The following ZNF251 variants were observed in gnomAD, a reference collection of about 807,000 sequenced individuals.
ZNF251 encodes the protein zinc finger protein 251.
A neutral mutation model predicts 13.5 loss-of-function variants in ZNF251; 14 were observed. The observed-to-expected ratio is 1.04, with a 90% CI of 0.69 to 1.63. The LOEUF (loss-of-function observed/expected upper bound fraction) is 1.63, where lower values mean the gene tolerates loss of function less well. Among genes scored for constraint, ZNF251 ranks in the 40% most tolerant of loss-of-function variants. The pLI is 0.00. For missense variants in ZNF251, 764 were observed against 834.9 expected (o/e 0.92, Z 1.05); for synonymous variants, 287 against 295.2 (o/e 0.97, Z 0.28).
intron 4 of ZNF251, among the ~76,000 whole-genome samples, chr8:144,726,787 G>A (rs549679778): frequency 2.1e-4 from 32 of 151,908 alleles, no homozygotes; most frequent in African/African-American, 6.3e-4. Flanking sequence ...GGAGAATGGC[G>A]TGAACCCGGG....
At chr8:144,727,712 C>T (rs1471807876) in intron 4 of ZNF251, among the ~76,000 whole-genome samples, 3 of 152,228 alleles carry the variant, frequency 2.0e-5, no homozygotes, top group African/African-American at 7.2e-5. Flanking sequence ...TTGAGGGGGA[C>T]TGAAACTGTC....
At chr8:144,740,920 C>T (rs536288278) in intron 4 of ZNF251, among the ~76,000 whole-genome samples, 7 of 151,122 alleles carry the variant, frequency 4.6e-5, no homozygotes, top group African/African-American at 7.3e-5. Flanking sequence ...GCAAGAAGAG[C>T]GAAACTCCGT....
In ZNF251 at chr8:144,755,492, C is replaced by G; in HGVS notation, c.-163G>C. The G allele has an allele frequency of 7.8e-7, 1 of 1,287,044 alleles. No homozygotes were observed. The highest frequency in any genetic ancestry group is 1.2e-5 in the South Asian group (1 of 80,872). 79.7% of individuals were successfully genotyped at this position (1,287,044 alleles called of 1,614,324 possible). A position where few individuals can be genotyped will look rare whatever the true frequency, so the allele number is the denominator to read the frequency against. ...CCCGGAACGGACCCTCCCACAGAACCGGGTCCAGAGCCGGGGAGGGGGCGG... is the reference window on the plus strand; with the variant it reads ...CCCGGAACGGACCCTCCCACAGAACGGGGTCCAGAGCCGGGGAGGGGGCGG... On this transcript the variant is annotated 5_prime_UTR_variant, in exon 1 of 5. Transcript: ENST00000292562.
chr8:144,742,295 C>T (rs1055723715), intron 4 of ZNF251, among the ~76,000 whole-genome samples: 2 of 151,856 alleles, frequency 1.3e-5, no homozygotes, highest in Admixed American at 1.3e-4. Flanking sequence ...ACGAGAAATG[C>T]AAAGGTCTTT....
chr8:144,733,902 G>A (rs1279760367), intron 4 of ZNF251, among the ~76,000 whole-genome samples: 3 of 152,244 alleles, frequency 2.0e-5, no homozygotes, highest in African/African-American at 7.2e-5. Context: ...CCCATGCTTA[G>A]CATGAGATGC....
At chr8:144,726,210 A>G (rs1483172669) in intron 4 of ZNF251, among the ~76,000 whole-genome samples, 1 of 150,522 alleles carries the variant, frequency 6.6e-6, no homozygotes, top group African/African-American at 2.4e-5. Context: ...AAAAAAAAAA[A>G]AAAAAAAAAG....
At chr8:144,739,276 C>CA (rs1173511910) in intron 4 of ZNF251, among the ~76,000 whole-genome samples, 1 of 147,478 alleles carries the variant, frequency 6.8e-6, no homozygotes, top group African/African-American at 2.5e-5. Context: ...TCCACCCCGC[C>CA]AAACTAGGAT....
In ZNF251 at chr8:144,736,354, A is replaced by G. The variant is rs541815141; in HGVS notation, c.278-12972T>C. ...CAAGAAAAACTTTCAGTACTTTATA[A>G]GGGGGCCCAAGTCACAGTAGTTCCT... On this transcript the variant is annotated intron_variant, in intron 4 of 4. Coordinates refer to ENST00000292562, the MANE Select transcript of ZNF251 (RefSeq NM_138367.2). Among the ~76,000 whole-genome samples the G allele has an allele frequency of 2.0e-5, 3 of 152,282 alleles. No individual in the cohort carries two copies. The East Asian group carries it at 5.8e-4, about 29-fold the overall frequency.
chr8:144,736,490 TA>T (rs1823899604), intron 4 of ZNF251, among the ~76,000 whole-genome samples: 1 of 147,698 alleles, frequency 6.8e-6, no homozygotes, highest in African/African-American at 2.5e-5. Flanking sequence ...TTTATTTATT[TA>T]TTTATTTATT....
At chr8:144,745,234 C>CA (rs1824366742) in intron 4 of ZNF251, among the ~76,000 whole-genome samples, 3 of 146,132 alleles carry the variant, frequency 2.1e-5, no homozygotes, top group South Asian at 4.3e-4. Context: ...GTTATTCCAG[C>CA]ACCATTTCTT....
Position 144,721,825 on chromosome 8 carries a change from T to C in ZNF251, c.1835A>G (p.His612Arg). 1.3e-6 allele frequency: 2 copies of C among 1,497,380 alleles called. No individual in the cohort carries two copies. Among genetic ancestry groups the C allele is most frequent in the Non-Finnish European group, 1.8e-6 (2 of 1,123,514 alleles). The allele number at this position is 1,497,380 out of a possible 1,614,324, so 92.8% of individuals were successfully genotyped here. ...AFSGKSTLIQ[H>R]QVTHTGQKPC... ...TTTCTGACCAGTGTGAGTTACCTGA[T>C]GTTGAATAAGGGTTGACTTTCCACT... The change falls in exon 5 of 5, where the codon CAT becomes CGT. Residue 612 changes from histidine (H) to arginine (R), a missense_variant. Physicochemically the swap from His to Arg is conservative, Grantham distance 29 (BLOSUM62 0). Transcript: ENST00000292562.
At chr8:144,726,587 T>C (rs1302520270) in intron 4 of ZNF251, among the ~76,000 whole-genome samples, 1 of 150,500 alleles carries the variant, frequency 6.6e-6, no homozygotes, top group African/African-American at 2.4e-5. Flanking sequence ...TAGCCAGGCA[T>C]AGGTTGGGCG....
chr8:144,732,909 A>C lies in ZNF251; in HGVS notation c.278-9527T>G, dbSNP rs145715787. ...TAACTTAATACTAGCAGCAGTAATA[A>C]TTTGCTTGTATGTAATAAATTGTTG... On this transcript the variant is annotated intron_variant, in intron 4 of 4. Coordinates refer to ENST00000292562, the MANE Select transcript of ZNF251 (RefSeq NM_138367.2). Among the ~76,000 whole-genome samples the C allele has an allele frequency of 3.5e-4, 53 of 151,878 alleles. 1 individual carries two copies. The highest frequency in any genetic ancestry group is 1.2e-3 in the African/African-American group (50 of 41,416).
chr8:144,732,601 A>G (rs571801710), intron 4 of ZNF251, among the ~76,000 whole-genome samples: 64 of 151,194 alleles, frequency 4.2e-4, no homozygotes, highest in South Asian at 4.0e-3. Context: ...TCACGAGGTC[A>G]GGAGATGGAG....
At chr8:144,723,493 A>G (rs750678562) in intron 4 of ZNF251, 111 bp from the exon 5 acceptor site, 12 of 709,316 alleles carry the variant, frequency 1.7e-5, no homozygotes, top group East Asian at 3.2e-5. Flanking sequence ...AGATGCTCCA[A>G]TAGGAAAAGA....
intron 4 of ZNF251, among the ~76,000 whole-genome samples, chr8:144,732,085 G>C (rs751144943): frequency 1.3e-5 from 2 of 151,986 alleles, no homozygotes; most frequent in Non-Finnish European, 2.9e-5. Flanking sequence ...TGGGACTACA[G>C]GCATGTGCCA....
At chr8:144,732,811 C>CAA (rs34248117) in intron 4 of ZNF251, among the ~76,000 whole-genome samples, 51 of 106,716 alleles carry the variant, frequency 4.8e-4, no homozygotes, top group East Asian at 2.4e-3. Flanking sequence ...GACTCCGTCT[C>CAA]AAAAAAAAAA....
At chr8:144,744,510 C>A (rs117473849) in intron 4 of ZNF251, among the ~76,000 whole-genome samples, 2,850 of 152,276 alleles carry the variant, frequency 0.019, 45 homozygotes, top group Non-Finnish European at 0.032. Context: ...CCCAAATTCA[C>A]ATGTTGAAGC....
At chr8:144,750,993 G>A (rs1824668456) in intron 4 of ZNF251, among the ~76,000 whole-genome samples, 1 of 151,906 alleles carries the variant, frequency 6.6e-6, no homozygotes, top group Admixed American at 6.6e-5. Context: ...GGGATTACAG[G>A]AACCCACCAC....
Sources: allele counts gnomAD v4.1 joint callset (sites outside exome capture counted in the v4.1 genomes callset), GRCh38; gene constraint gnomAD v4.1.1; transcripts MANE v1.5; gene names NCBI Gene and HGNC (gene_info 2026-07-23, HGNC 2026-07-21).